Variants in DNAL1 observed in about 807,000 individuals in gnomAD.
DNAL1 encodes chromosome 14 open reading frame 168.
In DNAL1, 17 loss-of-function variants were observed where a neutral mutation model predicts 29.4. The observed-to-expected ratio is 0.58, with a 90% CI of 0.40 to 0.87. The LOEUF (loss-of-function observed/expected upper bound fraction) is 0.87, where lower values mean the gene tolerates loss of function less well. DNAL1 is among the 40% of genes least tolerant of loss of function. The pLI, the probability that DNAL1 is intolerant of heterozygous loss-of-function variation, is 0.00. For missense variants in DNAL1, 188 were observed against 214.1 expected (o/e 0.88, Z 0.76); for synonymous variants, 78 against 76.3 (o/e 1.02, Z -0.12).
Position 73,654,924 on chromosome 14 carries a change from A to G in DNAL1, c.42+39A>G, listed in dbSNP as rs1304431735. 5 of 1,533,642 alleles carry G rather than the reference A, an allele frequency of 3.3e-6. No homozygotes were observed. The Admixed American group carries it at 1.0e-4, about 32-fold the overall frequency. ...TTTTTCCTTCTTTTAGAAACTGTAC[A>G]AGGAAAAATTTTGGATAGTTATTCA... On this transcript the variant is annotated intron_variant, in intron 2 of 7. Coordinates refer to ENST00000553645, the MANE Select transcript of DNAL1 (RefSeq NM_031427.4).
chr14:73,685,255 C>G (rs919774708), intron 5 of DNAL1, among the ~76,000 whole-genome samples: 1 of 152,188 alleles, frequency 6.6e-6, no homozygotes, highest in African/African-American at 2.4e-5. Context: ...CCTCTGTAAG[C>G]ATACAGTAGC....
chr14:73,650,041 T>C (rs1178867886), intron 1 of DNAL1, among the ~76,000 whole-genome samples: 2 of 152,200 alleles, frequency 1.3e-5, no homozygotes, highest in African/African-American at 2.4e-5. Flanking sequence ...TGGAGTATAG[T>C]AGCATAATCA....
At chr14:73,646,843 A>T (rs1890987085) in intron 1 of DNAL1, among the ~76,000 whole-genome samples, 1 of 152,214 alleles carries the variant, frequency 6.6e-6, no homozygotes, top group Non-Finnish European at 1.5e-5. Flanking sequence ...TTGGTTGTTA[A>T]CTGAAACTTG....
At chr14:73,662,386 T>G (rs188156139) in intron 4 of DNAL1, among the ~76,000 whole-genome samples, 5 of 152,336 alleles carry the variant, frequency 3.3e-5, no homozygotes, top group East Asian at 3.8e-4. Context: ...CTGTTTTTCC[T>G]GTGCTCCTTA....
chr14:73,663,045 C>T (rs1223584807), intron 4 of DNAL1, among the ~76,000 whole-genome samples: 1 of 151,950 alleles, frequency 6.6e-6, no homozygotes, highest in East Asian at 1.9e-4. Flanking sequence ...CCCCTTAGGT[C>T]ATGTTCTTCA....
chr14:73,691,929 C>G (rs1415822806), intron 7 of DNAL1, among the ~76,000 whole-genome samples: 2 of 150,106 alleles, frequency 1.3e-5, no homozygotes. Flanking sequence ...ACCTCTTGAC[C>G]TCGTGATCCG....
At chr14:73,659,671 A>G (rs1302357617) in intron 3 of DNAL1, 3 of 152,204 alleles carry the variant, frequency 2.0e-5, no homozygotes, top group Non-Finnish European at 4.4e-5. Flanking sequence ...ACAATAAACT[A>G]TGACATTTAT....
At chr14:73,673,519 A>G (rs539044575) in intron 5 of DNAL1, among the ~76,000 whole-genome samples, 2 of 152,318 alleles carry the variant, frequency 1.3e-5, no homozygotes, top group South Asian at 4.1e-4. Context: ...ACTCCTATCA[A>G]TGATAGCCAA....
At chr14:73,667,793 A>G (rs1423500897) in intron 4 of DNAL1, among the ~76,000 whole-genome samples, 1 of 152,186 alleles carries the variant, frequency 6.6e-6, no homozygotes, top group Non-Finnish European at 1.5e-5. Context: ...TGAGTGAGCC[A>G]CTGCTGAGCC....
rs567185669 is a variant in DNAL1, at chr14:73,659,358, T to A, written c.152+402T>A. 6.6e-5 allele frequency among the ~76,000 whole-genome samples: 10 copies of A among 151,732 alleles called. No homozygotes were observed. In the South Asian group the frequency reaches 2.1e-3, roughly 32 times the overall value. On this transcript the variant is annotated intron_variant, in intron 3 of 7. Coordinates refer to ENST00000553645, the MANE Select transcript of DNAL1 (RefSeq NM_031427.4). Reference sequence around the variant, plus strand: ...TTTGTATTTTTAGTAGAGATAGGGTTTCACCATGTTAGCCAGGATGATCTT... The same window carrying A: ...TTTGTATTTTTAGTAGAGATAGGGTATCACCATGTTAGCCAGGATGATCTT...
intron 2 of DNAL1, among the ~76,000 whole-genome samples, chr14:73,656,434 C>CTTTTT (rs558976461): frequency 1.5e-5 from 2 of 132,656 alleles, no homozygotes; most frequent in Non-Finnish European, 1.6e-5. Flanking sequence ...ACATTTTTGA[C>CTTTTT]TTTTTTTTTT....
At chr14:73,651,470 A>G (rs1422168379) in intron 1 of DNAL1, 1 of 152,218 alleles carries the variant, frequency 6.6e-6, no homozygotes, top group Non-Finnish European at 1.5e-5. Context: ...CTCAATTGTA[A>G]AAGTGTCTAG....
At chr14:73,681,619 AAAAAAAAAAAAAAAATATATATAT>A (rs1424362049) in intron 5 of DNAL1, among the ~76,000 whole-genome samples, 1 of 42,118 alleles carries the variant, frequency 2.4e-5, no homozygotes, top group East Asian at 5.0e-4. Flanking sequence ...AAAAAAAAAA[AAAAAAAAAAAAAAAATATATATAT>A]ATATATATAT....
chr14:73,645,552 T>G (rs1298800067), intron 1 of DNAL1, among the ~76,000 whole-genome samples: 1 of 152,156 alleles, frequency 6.6e-6, no homozygotes, highest in Admixed American at 6.6e-5. Flanking sequence ...CTCTGATGGA[T>G]ATATTAGAGC....
intron 1 of DNAL1, among the ~76,000 whole-genome samples, chr14:73,645,950 A>G (rs933598103): frequency 5.9e-5 from 9 of 152,228 alleles, no homozygotes; most frequent in South Asian, 2.1e-4. Context: ...AAGCATAATT[A>G]CTTGTCTTCT....
intron 5 of DNAL1, among the ~76,000 whole-genome samples, chr14:73,682,546 A>C (rs1335147646): frequency 1.3e-5 from 2 of 151,748 alleles, no homozygotes; most frequent in Non-Finnish European, 2.9e-5. Context: ...CTTTTTTGTA[A>C]TAACAGCTGG....
At position 73,701,160 on chromosome 14, in the gene DNAL1, G is replaced by A. The variant is rs924595139; in HGVS notation, c.*5218G>A. 1 of 152,154 alleles carries A rather than the reference G, an allele frequency of 6.6e-6. No homozygotes were observed. The highest frequency in any genetic ancestry group is 6.5e-5 in the Admixed American group (1 of 15,276). 9.4% of individuals were successfully genotyped at this position (152,154 alleles called of 1,614,324 possible). ...GATTCTAGTTAATTTCCCATATTGG[G>A]CAGTTTAGAGGAGACCCAGCCAACC... On this transcript the variant is annotated 3_prime_UTR_variant, in exon 8 of 8. Transcript: ENST00000553645.
rs1892442183 is a variant in DNAL1 at position 73,701,792 on chromosome 14, A to G, written c.*5850A>G. The stretch of plus-strand genomic sequence containing the variant: ...CATTCTGAAGAACATTTTAACATCT[A>G]TGAATACCTTGGTAATAATCTTTTA... On this transcript the variant is annotated 3_prime_UTR_variant, in exon 8 of 8. Transcript: ENST00000553645. 2 of 152,222 alleles carry G rather than the reference A, an allele frequency of 1.3e-5. No individual in the cohort carries two copies. The highest frequency in any genetic ancestry group is 6.5e-5 in the Admixed American group (1 of 15,280). The allele number at this position is 152,222 out of a possible 1,614,324, so 9.4% of individuals were successfully genotyped here.
At chr14:73,661,948 A>C in intron 3 of DNAL1, 39 bp from the exon 4 acceptor site, 4 of 1,380,734 alleles carry the variant, frequency 2.9e-6, no homozygotes, top group Non-Finnish European at 4.0e-6. Flanking sequence ...TTTACCATTT[A>C]CATTTTTCAC....
Sources: allele counts gnomAD v4.1 joint callset (sites outside exome capture counted in the v4.1 genomes callset), GRCh38; gene constraint gnomAD v4.1.1; transcripts MANE v1.5; gene names NCBI Gene and HGNC (gene_info 2026-07-23, HGNC 2026-07-21).